The following RNF19A variants were observed in gnomAD, a reference collection of about 807,000 sequenced individuals.
RNF19A encodes E3 ubiquitin-protein ligase RNF19A.
A neutral mutation model predicts 75.7 loss-of-function variants in RNF19A; 32 were observed. The observed-to-expected ratio is 0.42, with a 90% CI of 0.32 to 0.57. The LOEUF (loss-of-function observed/expected upper bound fraction) is 0.57. Among genes scored for constraint, RNF19A ranks in the 20% least tolerant of loss-of-function variants. The pLI is 0.10. For synonymous variants in RNF19A, 335 were observed against 345.2 expected, an observed-to-expected ratio of 0.97 and a Z score of 0.33; for missense variants, 782 against 1,036.3, an observed-to-expected ratio of 0.75 and a Z score of 3.37.
rs1819638239 is a variant in RNF19A at position 100,259,980 on chromosome 8, T to C, written c.1700A>G (p.Asp567Gly). ...TAGACTGTACCGTTCTTTCTGTACA[T>C]CTGCTTGTACTTCCAACCTTAAAGG... ...NCFNRLEVQA[D>G]VQKERYSLSG... Residue 567 changes from aspartate (D) to glycine (G), a missense_variant, in exon 9 of 10, where the codon GAT (aspartate) becomes GGT (glycine). By Grantham distance (94) the Asp-to-Gly change is moderately conservative. Around this residue, in one of 7 missense-constraint regions of RNF19A, gnomAD observed 442 missense variants for 541.6 expected, o/e 0.82. Transcript: ENST00000341084. The surrounding 1 kb of genome is among the most constrained non-coding windows in gnomAD (Gnocchi z 4.5). The C allele has an allele frequency of 1.2e-6, 2 of 1,613,692 alleles. No homozygotes were observed. The highest frequency in any genetic ancestry group is 1.7e-6 in the Non-Finnish European group (2 of 1,179,800).
chr8:100,324,511 T>C lies in RNF19A; in HGVS notation c.-242-11139A>G, dbSNP rs1193040202. On this transcript the variant is annotated intron_variant, in intron 1 of 3. Transcript: ENST00000519527. The surrounding 1 kb of genome is among the most constrained non-coding windows in gnomAD (Gnocchi z 4.2). ...TACTACATTTTAAAGGCTAAGGAAA[T>C]CTGGAGGAGAGTGGAAGTTCCTTTC... 6.6e-6 allele frequency among the ~76,000 whole-genome samples: 1 copy of C among 152,144 alleles called. No individual in the cohort carries two copies. Among genetic ancestry groups the C allele is most frequent in the Non-Finnish European group, 1.5e-5 (1 of 68,014 alleles).
In RNF19A at chr8:100,274,997, A is replaced by G. The variant is rs999898974; in HGVS notation, c.839T>C (p.Ile280Thr). 6.2e-7 allele frequency: 1 copy of G among 1,614,188 alleles called. No individual in the cohort carries two copies. Among genetic ancestry groups the G allele is most frequent in the Middle Eastern group, 1.7e-4 (1 of 6,060 alleles). The change falls in exon 3 of 10, where the codon ATA becomes ACA. Residue 280 changes from isoleucine (I) to threonine (T), a missense_variant. Ile to Thr is a moderately conservative substitution (Grantham distance 89, BLOSUM62 -1). Around this residue, in one of 7 missense-constraint regions of RNF19A, gnomAD observed 34 missense variants for 25.2 expected, o/e 1.35. Transcript: ENST00000341084. ...ACTATAACTAATGGATGAAGAACGTATAGTTCTCAAACGTAAGCTCTGGGC... is the reference window on the plus strand; with the variant it reads ...ACTATAACTAATGGATGAAGAACGTGTAGTTCTCAAACGTAAGCTCTGGGC... ...ERAQSLRLRT[I>T]RSSSISYSQE...
At chr8:100,313,799 G>A (rs556351429), upstream of RNF19A, among the ~76,000 whole-genome samples, 2 of 152,232 alleles carry the variant, frequency 1.3e-5, no homozygotes, top group African/African-American at 4.8e-5. Flanking sequence ...AGACTGTGGA[G>A]ACAGAAGTGG....
At chr8:100,299,514 CT>C (rs1217509914) in intron 1 of RNF19A, among the ~76,000 whole-genome samples, 3 of 152,208 alleles carry the variant, frequency 2.0e-5, no homozygotes, top group Admixed American at 6.5e-5. Flanking sequence ...AATCCCGGCG[CT>C]TTGGGAGACC....
chr8:100,292,437 T>TGGGG (rs1554671914), intron 1 of RNF19A, among the ~76,000 whole-genome samples: 128 of 102,118 alleles, frequency 1.3e-3, no homozygotes, highest in African/African-American at 7.3e-3. Context: ...ATCATATGGG[T>TGGGG]GTGTGTGTGT....
rs1819536849 is a variant in RNF19A, at chr8:100,258,083, A to T, written c.*473T>A. Reference sequence around the variant, plus strand: ...AAAAAAATGAAATTTATGCCGATATAAATAGAAATGTTACAGAGTATCATA... The same window carrying T: ...AAAAAAATGAAATTTATGCCGATATTAATAGAAATGTTACAGAGTATCATA... On this transcript the variant is annotated 3_prime_UTR_variant, in exon 10 of 10. Coordinates refer to ENST00000341084, the MANE Select transcript of RNF19A (RefSeq NM_183419.4). This position sits in a 1 kb window ranked among gnomAD's most constrained non-coding sequence, Gnocchi z 4.3. 1 of 398,824 alleles carries T rather than the reference A, an allele frequency of 2.5e-6. No individual in the cohort carries two copies. Among genetic ancestry groups the T allele is most frequent in the Non-Finnish European group, 4.4e-6 (1 of 226,072 alleles). The allele number at this position is 398,824 out of a possible 1,614,324, so 24.7% of individuals were successfully genotyped here. A position where few individuals can be genotyped will look rare whatever the true frequency, so the allele number is the denominator to read the frequency against.
intron 1 of RNF19A, among the ~76,000 whole-genome samples, chr8:100,308,929 T>C (rs1217329316): frequency 6.6e-6 from 1 of 152,196 alleles, no homozygotes; most frequent in Admixed American, 6.5e-5. Context: ...TGTATTTATA[T>C]CTCCAAGGGT....
chr8:100,325,740 A>G lies in RNF19A; in HGVS notation c.-243+10368T>C, dbSNP rs1281792608. On this transcript the variant is annotated intron_variant, in intron 1 of 3. Coordinates refer to the RNF19A transcript ENST00000519527. The surrounding 1 kb of genome is among the most constrained non-coding windows in gnomAD (Gnocchi z 4.3). ...ATATCTGTGGATGTTTATGGATGGT[A>G]TATGTATTTATGTGTGAGTATGTAT... 6.6e-6 allele frequency among the ~76,000 whole-genome samples: 1 copy of G among 150,468 alleles called. No homozygotes were observed. The highest frequency in any genetic ancestry group is 1.5e-5 in the Non-Finnish European group (1 of 67,506).
At chr8:100,310,218 CCGGGCCCGCTG>C, upstream of RNF19A, 2 of 985,236 alleles carry the variant, frequency 2.0e-6, no homozygotes, top group Non-Finnish European at 2.4e-6. Context: ...GTCACGCCCA[CCGGGCCCGCTG>C]CGGGCGGCTC....
intron 1 of RNF19A, among the ~76,000 whole-genome samples, chr8:100,318,388 T>C (rs1453083327): frequency 6.6e-6 from 1 of 152,246 alleles, no homozygotes; most frequent in Admixed American, 6.5e-5. Context: ...CTTCACTGCC[T>C]TCAGATTGAA....
At chr8:100,314,672 A>G (rs1470295936), upstream of RNF19A, among the ~76,000 whole-genome samples, 1 of 152,162 alleles carries the variant, frequency 6.6e-6, no homozygotes, top group African/African-American at 2.4e-5. This position sits in a 1 kb window ranked among gnomAD's most constrained non-coding sequence, Gnocchi z 4.1. Flanking sequence ...TACTATGCCT[A>G]AAATGCCCCC....
intron 2 of RNF19A, among the ~76,000 whole-genome samples, chr8:100,281,349 G>T (rs1820774958): frequency 6.6e-6 from 1 of 152,100 alleles, no homozygotes; most frequent in Non-Finnish European, 1.5e-5. Flanking sequence ...TCTATTATAG[G>T]ATTTGCTAAA....
Position 100,275,777 on chromosome 8 carries a change from T to TA in RNF19A, c.675-617dup, listed in dbSNP as rs1460910565. On this transcript the variant is annotated intron_variant, in intron 2 of 9. Coordinates refer to ENST00000341084, the MANE Select transcript of RNF19A (RefSeq NM_183419.4). This position sits in a 1 kb window ranked among gnomAD's most constrained non-coding sequence, Gnocchi z 4.3. The stretch of plus-strand genomic sequence containing the variant: ...AATTACTTGTTGAAGTGGAAAAAGT[T>TA]AAAAGAAAAAAAGATTGCCTGTTTA... Among the ~76,000 whole-genome samples the TA allele has an allele frequency of 5.9e-5, 9 of 152,122 alleles. No individual in the cohort carries two copies. The East Asian group carries it at 1.7e-3, about 29-fold the overall frequency.
Position 100,259,074 on chromosome 8 carries a change from C to T in RNF19A, c.1999G>A (p.Ala667Thr). The T allele has an allele frequency of 4.3e-6, 7 of 1,614,078 alleles. No homozygotes were observed. Among genetic ancestry groups the T allele is most frequent in the Non-Finnish European group, 5.9e-6 (7 of 1,180,008 alleles). ...KSSATKWSKEATAGKKSKSGK... is the reference protein window; with the variant it reads ...KSSATKWSKETTAGKKSKSGK... ...CTTTTTGATTTTTTCCCTGCTGTTGCTTCTTTGGACCACTTGGTGGCACTA... is the reference window on the plus strand; with the variant it reads ...CTTTTTGATTTTTTCCCTGCTGTTGTTTCTTTGGACCACTTGGTGGCACTA... Residue 667 changes from alanine (A) to threonine (T), a missense_variant, in exon 10 of 10, where the codon GCA becomes ACA. Ala to Thr is a moderately conservative substitution (Grantham distance 58, BLOSUM62 0). Coordinates refer to ENST00000341084, the MANE Select transcript of RNF19A (RefSeq NM_183419.4). This position sits in a 1 kb window ranked among gnomAD's most constrained non-coding sequence, Gnocchi z 4.5.
At position 100,317,938 on chromosome 8, in the gene RNF19A, A is replaced by G. The variant is rs1014971778; in HGVS notation, c.-242-4566T>C. On this transcript the variant is annotated intron_variant, in intron 1 of 3. Transcript: ENST00000519527. This position sits in a 1 kb window ranked among gnomAD's most constrained non-coding sequence, Gnocchi z 4.3. ...ACCCTGGTAATGAGCCTCAATGTCA[A>G]GGCCAACTGTTGTGACATTTTTGCC... Among the ~76,000 whole-genome samples, 2 of 152,160 alleles carry G rather than the reference A, an allele frequency of 1.3e-5. No homozygotes were observed. The highest frequency in any genetic ancestry group is 4.8e-5 in the African/African-American group (2 of 41,420).
chr8:100,266,401 C>G (rs1326952683), intron 5 of RNF19A, among the ~76,000 whole-genome samples: 1 of 152,216 alleles, frequency 6.6e-6, no homozygotes, highest in South Asian at 2.1e-4. Flanking sequence ...TGTGGTACAA[C>G]AGTCTCTCTT....
rs1822638065 is a variant in RNF19A at position 100,333,655 on chromosome 8, A to G, written c.-243+2453T>C. On this transcript the variant is annotated intron_variant, in intron 1 of 3. Transcript: ENST00000519527. The surrounding 1 kb of genome is among the most constrained non-coding windows in gnomAD (Gnocchi z 4.7). ...AACATAGCAAGAGCCCATCTCTAAAAATTTTTTTAAAACAATAGCTGGGCA... is the reference window on the plus strand; with the variant it reads ...AACATAGCAAGAGCCCATCTCTAAAGATTTTTTTAAAACAATAGCTGGGCA... Among the ~76,000 whole-genome samples the G allele has an allele frequency of 6.6e-6, 1 of 152,198 alleles. No individual in the cohort carries two copies. Among genetic ancestry groups the G allele is most frequent in the Non-Finnish European group, 1.5e-5 (1 of 68,034 alleles).
intron 1 of RNF19A, among the ~76,000 whole-genome samples, chr8:100,296,107 T>TC (rs1479994297): frequency 6.6e-6 from 1 of 152,196 alleles, no homozygotes; most frequent in Non-Finnish European, 1.5e-5. Flanking sequence ...TTTCTTTTTT[T>TC]CCTTTTTTTC....
Position 100,267,943 on chromosome 8 carries a change from G to C in RNF19A, c.1191+842C>G, listed in dbSNP as rs188047423. On this transcript the variant is annotated intron_variant, in intron 5 of 9. Coordinates refer to ENST00000341084, the MANE Select transcript of RNF19A (RefSeq NM_183419.4). The stretch of plus-strand genomic sequence containing the variant: ...TCCACCAGCCTCAGCCTTCCAAAGT[G>C]CTAAGATTACAGGGGTGAGGCACCG... Among the ~76,000 whole-genome samples the C allele has an allele frequency of 9.2e-5, 14 of 152,138 alleles. No individual in the cohort carries two copies. In the East Asian group the frequency reaches 2.7e-3, roughly 29 times the overall value.
Sources: allele counts gnomAD v4.1 joint callset (sites outside exome capture counted in the v4.1 genomes callset), GRCh38; gene constraint gnomAD v4.1.1; regional missense constraint gnomAD v4.1.1; non-coding constraint Gnocchi (gnomAD v3.1); transcripts MANE v1.5; gene names NCBI Gene and HGNC (gene_info 2026-07-23, HGNC 2026-07-21).